The following TMEFF1 variants were observed in gnomAD, a reference collection of about 807,000 sequenced individuals.
TMEFF1 encodes the protein tomoregulin-1.
A neutral mutation model predicts 47.5 loss-of-function variants in TMEFF1; 20 were observed. That is an observed-to-expected ratio of 0.42 (90% CI 0.30 to 0.61). The LOEUF is 0.61. Ranked by LOEUF, TMEFF1 falls within the 20% of genes least tolerant of loss-of-function variation. TMEFF1 has a pLI of 0.19. For missense variants in TMEFF1, 411 were observed against 471.1 expected (o/e 0.87, Z 1.18); for synonymous variants, 162 against 166.3 (o/e 0.97, Z 0.20).
At chr9:100,502,076 G>A (rs1837772326) in intron 2 of TMEFF1, among the ~76,000 whole-genome samples, 1 of 152,066 alleles carries the variant, frequency 6.6e-6, no homozygotes, top group African/African-American at 2.4e-5. Context: ...GTTACTTCTT[G>A]CATTTCCTTC....
intron 1 of TMEFF1, among the ~76,000 whole-genome samples, chr9:100,475,578 T>A (rs1837208010): frequency 6.6e-6 from 1 of 152,214 alleles, no homozygotes; most frequent in South Asian, 2.1e-4. Flanking sequence ...TAATTCGTTC[T>A]TAGCAAAATA....
intron 6 of TMEFF1, among the ~76,000 whole-genome samples, chr9:100,549,244 C>G (rs981624262): frequency 6.6e-6 from 1 of 151,992 alleles, no homozygotes; most frequent in African/African-American, 2.4e-5. Context: ...CTTACATGGC[C>G]GGAAAAGGAG....
chr9:100,479,572 C>T (rs1166560989), intron 1 of TMEFF1, among the ~76,000 whole-genome samples: 1 of 152,160 alleles, frequency 6.6e-6, no homozygotes, highest in Admixed American at 6.5e-5. Context: ...AATCTACTCT[C>T]TATGGATTTG....
intron 4 of TMEFF1, 53 bp downstream of exon 4, chr9:100,513,386 TC>T: frequency 4.6e-6 from 7 of 1,536,626 alleles, no homozygotes; most frequent in East Asian, 2.3e-5. Context: ...TTTCTTTCTT[TC>T]TTTTTCTTTT....
chr9:100,563,098 G>T (rs1839053203), intron 8 of TMEFF1, among the ~76,000 whole-genome samples: 1 of 152,130 alleles, frequency 6.6e-6, no homozygotes, highest in South Asian at 2.1e-4. Context: ...TTGCAGGTGT[G>T]AGCCACCATG....
chr9:100,559,994 C>T (rs967160137), intron 7 of TMEFF1, among the ~76,000 whole-genome samples: 1 of 151,952 alleles, frequency 6.6e-6, no homozygotes, highest in African/African-American at 2.4e-5. Context: ...AGAAAATCCG[C>T]GTTTTTGGTT....
intron 5 of TMEFF1, among the ~76,000 whole-genome samples, chr9:100,533,294 A>G (rs1838435002): frequency 6.6e-6 from 1 of 152,192 alleles, no homozygotes; most frequent in South Asian, 2.1e-4. Flanking sequence ...TTTAAGAACA[A>G]CTGATTTAGT....
intron 5 of TMEFF1, among the ~76,000 whole-genome samples, chr9:100,531,109 G>A (rs1338701593): frequency 6.6e-6 from 1 of 152,064 alleles, no homozygotes; most frequent in South Asian, 2.1e-4. Context: ...AGCTATCTAT[G>A]ACAAACCCAC....
In TMEFF1 at chr9:100,537,927, T is replaced by A. The variant is rs1587844272; in HGVS notation, c.561-9817T>A. 2.6e-5 allele frequency among the ~76,000 whole-genome samples: 4 copies of A among 152,284 alleles called. No homozygotes were observed. In the South Asian group the frequency reaches 8.3e-4, roughly 32 times the overall value. On this transcript the variant is annotated intron_variant, in intron 5 of 9. Coordinates refer to ENST00000374879, the MANE Select transcript of TMEFF1 (RefSeq NM_003692.5). ...TAGTGAATATTCTTATGAACTAAAA[T>A]TTTTTTCTGTTTCCTTAATTTTTAA...
intron 5 of TMEFF1, among the ~76,000 whole-genome samples, chr9:100,528,251 G>C (rs1838304203): frequency 6.6e-6 from 1 of 151,220 alleles, no homozygotes; most frequent in Admixed American, 6.6e-5. Context: ...GAATGACTTT[G>C]ACGAGCTGAG....
At chr9:100,544,952 G>A (rs1296090284) in intron 5 of TMEFF1, among the ~76,000 whole-genome samples, 3 of 152,210 alleles carry the variant, frequency 2.0e-5, no homozygotes, top group Non-Finnish European at 2.9e-5. Flanking sequence ...GCAAAAGGTG[G>A]GTTCCCATGG....
intron 1 of TMEFF1, among the ~76,000 whole-genome samples, chr9:100,483,666 A>G (rs748656175): frequency 1.3e-5 from 2 of 152,172 alleles, no homozygotes; most frequent in Non-Finnish European, 2.9e-5. Flanking sequence ...ATTTTCATGT[A>G]ATTTCAAACT....
chr9:100,522,966 C>T (rs1838192855), intron 5 of TMEFF1, among the ~76,000 whole-genome samples: 1 of 152,130 alleles, frequency 6.6e-6, no homozygotes, highest in African/African-American at 2.4e-5. Context: ...TCTTGATCTC[C>T]TGACTTAGTG....
chr9:100,506,766 CAAAA>C (rs58345253), intron 2 of TMEFF1, among the ~76,000 whole-genome samples: 2 of 43,408 alleles, frequency 4.6e-5, no homozygotes, highest in African/African-American at 9.0e-5. Flanking sequence ...GACTCCATCT[CAAAA>C]AAAAAAAAAA....
intron 1 of TMEFF1, among the ~76,000 whole-genome samples, chr9:100,480,092 G>A (rs73655579): frequency 0.12 from 17,966 of 152,112 alleles, 1,193 homozygotes; most frequent in Middle Eastern, 0.18. Flanking sequence ...TATCAATGTC[G>A]TTTTTATTTG....
intron 8 of TMEFF1, among the ~76,000 whole-genome samples, chr9:100,564,405 A>T (rs948724856): frequency 1.3e-5 from 2 of 152,190 alleles, no homozygotes; most frequent in Non-Finnish European, 2.9e-5. Context: ...TGATTGGTTG[A>T]TTGACTTATT....
chr9:100,567,440 A>G (rs938217139), intron 8 of TMEFF1, among the ~76,000 whole-genome samples: 3 of 152,164 alleles, frequency 2.0e-5, no homozygotes, highest in Admixed American at 1.3e-4. Context: ...CATCCCCTGT[A>G]GTGCATATCA....
chr9:100,570,450 A>AT (rs1839217170), intron 8 of TMEFF1, among the ~76,000 whole-genome samples: 1 of 151,922 alleles, frequency 6.6e-6, no homozygotes, highest in Non-Finnish European at 1.5e-5. Context: ...TTTTGAGGCA[A>AT]TTTTTGTGTA....
chr9:100,520,748 A>G (rs1466573248), intron 5 of TMEFF1, among the ~76,000 whole-genome samples: 1 of 152,212 alleles, frequency 6.6e-6, no homozygotes, highest in Non-Finnish European at 1.5e-5. Context: ...GTAGTAGAGC[A>G]AGGAAGTATT....
Sources: allele counts gnomAD v4.1 joint callset (sites outside exome capture counted in the v4.1 genomes callset), GRCh38; gene constraint gnomAD v4.1.1; transcripts MANE v1.5; gene names NCBI Gene and HGNC (gene_info 2026-07-23, HGNC 2026-07-21).